SGCZ: variants seen among roughly 807,000 people sequenced by gnomAD.
SGCZ encodes sarcoglycan zeta.
A neutral mutation model predicts 41.3 loss-of-function variants in SGCZ; 40 were observed. That is an observed-to-expected ratio of 0.97 (90% CI 0.75 to 1.26). The LOEUF (loss-of-function observed/expected upper bound fraction) is 1.26. Among genes scored for constraint, SGCZ ranks in the 50% most tolerant of loss-of-function variants. The probability of loss-of-function intolerance (pLI) is 0.00; values close to 1 mark genes in which losing one functional copy is unlikely to be tolerated. For synonymous variants in SGCZ, 206 were observed against 137.5 expected, an observed-to-expected ratio of 1.50 and a Z score of -3.49; for missense variants, 552 against 369.8, an observed-to-expected ratio of 1.49 and a Z score of -4.04.
At chr8:14,407,485 G>C (rs537486058) in intron 2 of SGCZ, among the ~76,000 whole-genome samples, 2 of 152,104 alleles carry the variant, frequency 1.3e-5, no homozygotes, top group East Asian at 3.9e-4. Flanking sequence ...CCTATAAGTA[G>C]TTTCATAATC....
At chr8:15,182,844 A>G (rs1409289500) in intron 1 of SGCZ, among the ~76,000 whole-genome samples, 1 of 152,256 alleles carries the variant, frequency 6.6e-6, no homozygotes, top group African/African-American at 2.4e-5. Flanking sequence ...GGCTGTTGTA[A>G]TAACAGCTTA....
chr8:14,509,995 G>A (rs1417003327), intron 2 of SGCZ, among the ~76,000 whole-genome samples: 1 of 152,050 alleles, frequency 6.6e-6, no homozygotes, highest in African/African-American at 2.4e-5. Flanking sequence ...TCAACACATA[G>A]GGATTACAAT....
Position 14,803,887 on chromosome 8 carries a change from C to T in SGCZ, c.40-248961G>A, listed in dbSNP as rs375997617. Reference sequence around the variant, plus strand: ...CAGCACGCAGCTGGAGATCTGAGAACGGGCAGACTGCCTCCTCAAGTGGGT... The same window carrying T: ...CAGCACGCAGCTGGAGATCTGAGAATGGGCAGACTGCCTCCTCAAGTGGGT... On this transcript the variant is annotated intron_variant, in intron 1 of 7. Transcript: ENST00000382080. 3.3e-4 allele frequency among the ~76,000 whole-genome samples: 29 copies of T among 87,764 alleles called. 2 individuals carry two copies. Among genetic ancestry groups the T allele is most frequent in the African/African-American group, 1.5e-3 (19 of 12,578 alleles). The allele number at this position is 87,764 out of a possible 152,430, so 57.6% of individuals were successfully genotyped here. A position where few individuals can be genotyped will look rare whatever the true frequency, so the allele number is the denominator to read the frequency against.
intron 1 of SGCZ, among the ~76,000 whole-genome samples, chr8:14,861,437 A>T (rs1803743452): frequency 1.3e-5 from 2 of 152,144 alleles, no homozygotes; most frequent in Non-Finnish European, 2.9e-5. Flanking sequence ...ATGCGTATAT[A>T]TGTATGAGCT....
intron 1 of SGCZ, among the ~76,000 whole-genome samples, chr8:14,737,182 T>G (rs1799064543): frequency 6.7e-6 from 1 of 149,560 alleles, no homozygotes; most frequent in South Asian, 2.1e-4. Context: ...ATATCATACA[T>G]ATATATATAT....
intron 1 of SGCZ, among the ~76,000 whole-genome samples, chr8:14,680,004 G>A (rs903102634): frequency 5.9e-5 from 9 of 152,026 alleles, no homozygotes; most frequent in African/African-American, 1.7e-4. Flanking sequence ...CCATGCAGTC[G>A]ATGTGTGTAG....
intron 1 of SGCZ, among the ~76,000 whole-genome samples, chr8:14,894,321 A>C (rs190585707): frequency 3.9e-5 from 6 of 152,220 alleles, no homozygotes; most frequent in African/African-American, 9.6e-5. Context: ...TGAAGAGCAC[A>C]CTTCTAAAAT....
chr8:14,577,802 G>A (rs1215809768), intron 1 of SGCZ, among the ~76,000 whole-genome samples: 1 of 152,128 alleles, frequency 6.6e-6, no homozygotes, highest in Non-Finnish European at 1.5e-5. Context: ...GATTCTGTGT[G>A]TATTGTAATC....
At chr8:14,631,255 G>T (rs117436090) in intron 1 of SGCZ, among the ~76,000 whole-genome samples, 1,620 of 150,188 alleles carry the variant, frequency 0.011, 17 homozygotes, top group Non-Finnish European at 0.013. Context: ...CTAATGTAAA[G>T]GTAGTGATAA....
intron 4 of SGCZ, among the ~76,000 whole-genome samples, chr8:14,208,567 G>T (rs1805693078): frequency 1.3e-5 from 2 of 152,070 alleles, no homozygotes; most frequent in South Asian, 4.1e-4. Context: ...TGTCAAAGTG[G>T]TGTTTATGAA....
At chr8:15,186,286 A>G (rs1275976783) in intron 1 of SGCZ, among the ~76,000 whole-genome samples, 2 of 99,282 alleles carry the variant, frequency 2.0e-5, no homozygotes, top group African/African-American at 6.2e-5. Flanking sequence ...AAAAAAAAAA[A>G]AAAAAAAAAA....
chr8:14,566,798 C>A (rs1455460369), intron 1 of SGCZ, among the ~76,000 whole-genome samples: 10 of 152,208 alleles, frequency 6.6e-5, no homozygotes, highest in African/African-American at 2.4e-4. Context: ...GAGCTGGCTC[C>A]CTCAGCTTGC....
At chr8:14,749,801 T>G (rs1716350497) in intron 1 of SGCZ, among the ~76,000 whole-genome samples, 2 of 152,100 alleles carry the variant, frequency 1.3e-5, no homozygotes, top group Non-Finnish European at 2.9e-5. Context: ...TGATCCTGCC[T>G]CCACTGGAAG....
At chr8:15,192,318 G>A (rs1800568986) in intron 1 of SGCZ, among the ~76,000 whole-genome samples, 1 of 151,948 alleles carries the variant, frequency 6.6e-6, no homozygotes, top group African/African-American at 2.4e-5. Context: ...AGTAATGTGG[G>A]AAGAAATTTT....
chr8:14,292,215 T>C (rs1800864052), intron 3 of SGCZ, among the ~76,000 whole-genome samples: 1 of 152,074 alleles, frequency 6.6e-6, no homozygotes, highest in African/African-American at 2.4e-5. Flanking sequence ...AATTTTTTCA[T>C]TCTTCAAACA....
intron 1 of SGCZ, among the ~76,000 whole-genome samples, chr8:14,735,229 C>T (rs1471533906): frequency 6.6e-6 from 1 of 152,090 alleles, no homozygotes; most frequent in African/African-American, 2.4e-5. Flanking sequence ...TAAAGGATGC[C>T]TCCATAGCTG....
chr8:14,852,978 A>C (rs1803388954), intron 1 of SGCZ, among the ~76,000 whole-genome samples: 1 of 152,200 alleles, frequency 6.6e-6, no homozygotes, highest in Non-Finnish European at 1.5e-5. Flanking sequence ...GATCAGATAT[A>C]TACTGCTGAT....
intron 5 of SGCZ, among the ~76,000 whole-genome samples, chr8:14,112,183 A>C (rs1437446860): frequency 6.6e-6 from 1 of 151,734 alleles, no homozygotes; most frequent in Non-Finnish European, 1.5e-5. Flanking sequence ...TATATTTTTA[A>C]GTTATTTGAC....
intron 1 of SGCZ, among the ~76,000 whole-genome samples, chr8:14,824,846 GC>G (rs2130580061): frequency 6.6e-6 from 1 of 152,076 alleles, no homozygotes; most frequent in Admixed American, 6.5e-5. Flanking sequence ...CTCTAGGTTT[GC>G]CTTGAACAAA....
Sources: gnomAD v4.1 joint callset for allele counts (sites outside exome capture counted in the v4.1 genomes callset) on GRCh38, gnomAD v4.1.1 for gene constraint, MANE v1.5 for transcripts, NCBI Gene and HGNC (gene_info 2026-07-23, HGNC 2026-07-21) for gene names.